Variants in MEI1 observed in about 807,000 individuals in gnomAD.
The protein encoded by MEI1 is meiosis inhibitor protein 1.
A neutral mutation model predicts 146.2 loss-of-function variants in MEI1; 103 were observed. The ratio of observed to expected loss-of-function variants is 0.70; its 90% CI spans 0.60 to 0.83. MEI1 has a LOEUF of 0.83. Among genes scored for constraint, MEI1 ranks in the 40% least tolerant of loss-of-function variants. MEI1 has a pLI of 0.00. For synonymous variants in MEI1, 652 were observed against 628.2 expected (o/e 1.04, Z -0.57); for missense variants, 1,529 against 1,533.0 (o/e 1.00, Z 0.04).
At chr22:41,794,730 C>T (rs745775527) in intron 28 of MEI1, among the ~76,000 whole-genome samples, 3 of 152,138 alleles carry the variant, frequency 2.0e-5, no homozygotes, top group Non-Finnish European at 2.9e-5. Flanking sequence ...TACCACATGC[C>T]AGGTCTGCTA....
In MEI1 at chr22:41,723,971, T is replaced by A. The variant is rs879879375; in HGVS notation, c.762T>A (p.Asp254Glu). Residue 254 changes from aspartate to glutamate, a missense_variant, in exon 7 of 31, where the codon GAT becomes GAA. Coordinates refer to ENST00000401548, the MANE Select transcript of MEI1 (RefSeq NM_152513.4). ...LGLLRQLLKY[D>E]LFVSMIMNQD... ...TGCTGAGGCAGCTGTTGAAGTATGA[T>A]CTCTTTGTGTCCATGATCATGAACC... 29 of 1,608,914 alleles carry A rather than the reference T, an allele frequency of 1.8e-5. No homozygotes were observed. The highest frequency in any genetic ancestry group is 2.3e-5 in the Non-Finnish European group (27 of 1,177,684).
At chr22:41,717,812 C>T (rs1445869411) in intron 5 of MEI1, among the ~76,000 whole-genome samples, 1 of 151,788 alleles carries the variant, frequency 6.6e-6, no homozygotes, top group Admixed American at 6.6e-5. Flanking sequence ...TGCTGGGTCT[C>T]GTCTTGTTGG....
chr22:41,755,819 A>C (rs903552350), intron 17 of MEI1, among the ~76,000 whole-genome samples: 1 of 152,040 alleles, frequency 6.6e-6, no homozygotes, highest in Non-Finnish European at 1.5e-5. Flanking sequence ...CTGAACTTGG[A>C]ATTAGGAGAG....
At chr22:41,774,110 G>A (rs976961411) in intron 20 of MEI1, 39 of 152,240 alleles carry the variant, frequency 2.6e-4, no homozygotes, top group African/African-American at 9.1e-4. Context: ...GATGTGAAGG[G>A]ACAATGACAT....
chr22:41,751,691 G>A (rs913142850), intron 15 of MEI1, among the ~76,000 whole-genome samples: 3 of 150,560 alleles, frequency 2.0e-5, no homozygotes, highest in Admixed American at 6.6e-5. Context: ...AGACTCGCTT[G>A]AACCTGCGAG....
chr22:41,769,661 G>A (rs1162900433), intron 19 of MEI1, among the ~76,000 whole-genome samples: 6 of 151,204 alleles, frequency 4.0e-5, no homozygotes, highest in Admixed American at 2.6e-4. Flanking sequence ...TAGTAGAGAC[G>A]GAGTTTCTCC....
rs2075877013 is a variant in MEI1, at chr22:41,784,423, A to G, written c.3169+3A>G. 2 of 1,613,824 alleles carry G rather than the reference A, an allele frequency of 1.2e-6. No homozygotes were observed. The highest frequency in any genetic ancestry group is 1.1e-5 in the South Asian group (1 of 91,076). On this transcript the variant is annotated splice_donor_region_variant and intron_variant, in intron 25 of 30. Coordinates refer to ENST00000401548, the MANE Select transcript of MEI1 (RefSeq NM_152513.4). ...GAAAAAGGCTGCACTACTCTCAGGT[A>G]TGGGTCCACAAGTCTCCAGCAGAAG... is the stretch of plus-strand genomic sequence containing the variant.
At chr22:41,706,988 C>T (rs976067503) in intron 3 of MEI1, among the ~76,000 whole-genome samples, 61 of 144,028 alleles carry the variant, frequency 4.2e-4, no homozygotes, top group African/African-American at 1.6e-3. Context: ...GTCATGAGTT[C>T]GAGACCAGCC....
intron 16 of MEI1, among the ~76,000 whole-genome samples, chr22:41,752,882 A>T (rs1475726645): frequency 6.6e-6 from 1 of 152,178 alleles, no homozygotes; most frequent in Non-Finnish European, 1.5e-5. Flanking sequence ...GGTACCTGTC[A>T]CATCAAAACT....
At chr22:41,727,130 T>C (rs760981416) in intron 7 of MEI1, among the ~76,000 whole-genome samples, 17 of 152,178 alleles carry the variant, frequency 1.1e-4, no homozygotes, top group Non-Finnish European at 2.1e-4. Context: ...ATGTGTCCAC[T>C]TGTAAGTCCA....
chr22:41,772,742 G>T (rs770949529), intron 20 of MEI1, among the ~76,000 whole-genome samples: 2 of 152,126 alleles, frequency 1.3e-5, no homozygotes, highest in Non-Finnish European at 2.9e-5. Context: ...TTCTGTCTGA[G>T]GCTCTCTTTT....
intron 22 of MEI1, 185 bp downstream of exon 22, chr22:41,778,997 G>A (rs2075614811): frequency 1.9e-6 from 1 of 540,116 alleles, no homozygotes; most frequent in Non-Finnish European, 3.3e-6. Flanking sequence ...CTTGTTCTCT[G>A]GGAATGTTTG....
At position 41,724,002 on chromosome 22, in the gene MEI1, G is replaced by A; in HGVS notation, c.793G>A (p.Gly265Arg). ...LFVSMIMNQD[G>R]LGESAKNIEG... The stretch of plus-strand genomic sequence containing the variant: ...TGTGTCCATGATCATGAACCAGGAT[G>A]GACTGGGAGAAAGTGCTAAGAATAT... Residue 265 changes from glycine (G) to arginine (R), a missense_variant, in exon 7 of 31, where the codon GGA becomes AGA. By Grantham distance (125) the Gly-to-Arg change is moderately radical. Around this residue, in one of 3 missense-constraint regions of MEI1, gnomAD observed 1,212 missense variants for 1,178.9 expected, o/e 1.03. Transcript: ENST00000401548. The A allele has an allele frequency of 6.2e-7, 1 of 1,613,308 alleles. No homozygotes were observed. Among genetic ancestry groups the A allele is most frequent in the Non-Finnish European group, 8.5e-7 (1 of 1,179,646 alleles).
At chr22:41,764,418 C>T (rs145730421) in intron 19 of MEI1, among the ~76,000 whole-genome samples, 52 of 152,296 alleles carry the variant, frequency 3.4e-4, no homozygotes, top group Admixed American at 1.3e-3. Flanking sequence ...ATTGTGTGCC[C>T]AGGTGTGTCT....
At chr22:41,770,143 A>AG (rs1426542996) in intron 19 of MEI1, among the ~76,000 whole-genome samples, 1 of 151,960 alleles carries the variant, frequency 6.6e-6, no homozygotes, top group Non-Finnish European at 1.5e-5. Context: ...TCAGAAAAAA[A>AG]AAAAGAAATT....
At chr22:41,719,773 A>G (rs1248440989) in intron 6 of MEI1, among the ~76,000 whole-genome samples, 3 of 152,128 alleles carry the variant, frequency 2.0e-5, no homozygotes, top group Non-Finnish European at 4.4e-5. Context: ...ATTTTTTTAC[A>G]TAAATACATA....
chr22:41,706,265 T>C (rs558741279), intron 3 of MEI1, among the ~76,000 whole-genome samples: 1 of 151,990 alleles, frequency 6.6e-6, no homozygotes, highest in East Asian at 1.9e-4. Context: ...GCAATCCTCC[T>C]GCTTGGCTTC....
chr22:41,779,196 C>T (rs1386980005), intron 22 of MEI1, among the ~76,000 whole-genome samples: 3 of 152,008 alleles, frequency 2.0e-5, no homozygotes, highest in Non-Finnish European at 4.4e-5. Context: ...GCCTATAATC[C>T]TAGCACTTTG....
intron 15 of MEI1, among the ~76,000 whole-genome samples, chr22:41,749,410 A>C (rs2073586601): frequency 6.6e-6 from 1 of 151,590 alleles, no homozygotes; most frequent in African/African-American, 2.4e-5. Context: ...CAAGTAGCTG[A>C]GATTACAGGC....
Sources: allele counts gnomAD v4.1 joint callset (sites outside exome capture counted in the v4.1 genomes callset), GRCh38; gene constraint gnomAD v4.1.1; regional missense constraint gnomAD v4.1.1; transcripts MANE v1.5; gene names NCBI Gene and HGNC (gene_info 2026-07-23, HGNC 2026-07-21).